COA5: variants seen among roughly 807,000 people sequenced by gnomAD.
COA5 encodes the protein cytochrome c oxidase assembly factor 5, also known as protein C2orf64.
A neutral mutation model predicts 11.8 loss-of-function variants in COA5; 11 were observed. That is an observed-to-expected ratio of 0.93 (90% CI 0.59 to 1.54). The LOEUF is 1.54. COA5 is among the 40% of genes most tolerant of loss of function. The pLI is 0.00. For synonymous variants in COA5, 38 were observed against 37.5 expected (o/e 1.01, Z -0.05); for missense variants, 87 against 89.2 (o/e 0.97, Z 0.10).
intron 1 of COA5, among the ~76,000 whole-genome samples, chr2:98,606,151 C>T (rs1210303147): frequency 6.6e-6 from 1 of 152,172 alleles, no homozygotes; most frequent in Non-Finnish European, 1.5e-5. Context: ...ATCAGATTAA[C>T]CTTTTTATTC....
chr2:98,605,602 TCTAA>T lies in COA5; in HGVS notation c.100-1415_100-1412del, dbSNP rs1244382286. Among the ~76,000 whole-genome samples the T allele has an allele frequency of 2.0e-5, 3 of 152,214 alleles. No homozygotes were observed. In the East Asian group the frequency reaches 5.8e-4, roughly 29 times the overall value. On this transcript the variant is annotated intron_variant, in intron 1 of 2. Transcript: ENST00000328709. ...CTGTAACATGCACTTGAATCTATAT[TCTAA>T]CTAATACACTCCCAAGCTTTTTTGC... is the stretch of plus-strand genomic sequence containing the variant.
At chr2:98,606,031 CTAG>C (rs1273586887) in intron 1 of COA5, among the ~76,000 whole-genome samples, 1 of 152,168 alleles carries the variant, frequency 6.6e-6, no homozygotes, top group Non-Finnish European at 1.5e-5. Context: ...AAAGCAGCAC[CTAG>C]AACTAAATAC....
intron 2 of COA5, among the ~76,000 whole-genome samples, chr2:98,603,582 AG>A (rs1700672826): frequency 6.6e-6 from 1 of 152,226 alleles, no homozygotes. Context: ...CTCCAAGAAA[AG>A]GGTCTCAGTT....
In COA5 at chr2:98,599,838, C is replaced by CTT. The variant is rs1230035639; in HGVS notation, c.*912_*913dup. 2.0e-5 allele frequency: 3 copies of CTT among 152,338 alleles called. No homozygotes were observed. The East Asian group carries it at 5.8e-4, about 29-fold the overall frequency. The allele number at this position is 152,338 out of a possible 1,614,324, so 9.4% of individuals were successfully genotyped here. On this transcript the variant is annotated 3_prime_UTR_variant, in exon 3 of 3. Coordinates refer to ENST00000328709, the MANE Select transcript of COA5 (RefSeq NM_001008215.3). ...TTTCCACTTGCTCTAAACCCCTTTC[C>CTT]TTTTGGGATTCAGCCCACTACTCAT...
intron 2 of COA5, among the ~76,000 whole-genome samples, chr2:98,601,393 C>G (rs1280213764): frequency 6.6e-6 from 1 of 152,148 alleles, no homozygotes; most frequent in Non-Finnish European, 1.5e-5. Context: ...GGTTAATATT[C>G]AAATATATTT....
rs1010470133 is a variant in COA5 at position 98,604,208 on chromosome 2, A to C, written c.100-17T>G. 1 of 1,556,230 alleles carries C rather than the reference A, an allele frequency of 6.4e-7. No individual in the cohort carries two copies. The highest frequency in any genetic ancestry group is 1.4e-5 in the African/African-American group (1 of 73,764). On this transcript the variant is annotated splice_polypyrimidine_tract_variant and intron_variant, in intron 1 of 2. Coordinates refer to ENST00000328709, the MANE Select transcript of COA5 (RefSeq NM_001008215.3). ...TTTTCCTTCCTATGACAGACACATA[A>C]AACAATATAAACACCTTGGAAATTT...
chr2:98,601,150 C>T (rs549705081), intron 2 of COA5, among the ~76,000 whole-genome samples: 75 of 152,002 alleles, frequency 4.9e-4, no homozygotes, highest in African/African-American at 1.6e-3. Flanking sequence ...GAGGCTGAGG[C>T]GGGAGAATTG....
chr2:98,601,916 C>A (rs962448955), intron 2 of COA5, among the ~76,000 whole-genome samples: 3 of 152,170 alleles, frequency 2.0e-5, no homozygotes, highest in African/African-American at 7.2e-5. Flanking sequence ...TCCCCTGCCC[C>A]CTTCCCCGTC....
At chr2:98,607,179 A>G (rs1559145586) in intron 1 of COA5, among the ~76,000 whole-genome samples, 1 of 152,178 alleles carries the variant, frequency 6.6e-6, no homozygotes, top group Non-Finnish European at 1.5e-5. Flanking sequence ...CCAAGCTTAC[A>G]TGGGTAGTGA....
In COA5 at chr2:98,608,453, A is replaced by T. The variant is rs750006786; in HGVS notation, c.-48T>A. ...GGACGCGACTTTCTCCCACCGCAAC[A>T]CTTGCAACCGGGTCGGGAGCGAGCG... On this transcript the variant is annotated 5_prime_UTR_variant, in exon 1 of 3. Coordinates refer to ENST00000328709, the MANE Select transcript of COA5 (RefSeq NM_001008215.3). The T allele has an allele frequency of 2.1e-6, 3 of 1,406,480 alleles. No homozygotes were observed. The South Asian group carries it at 3.6e-5, about 17-fold the overall frequency. 87.1% of individuals were successfully genotyped at this position (1,406,480 alleles called of 1,614,324 possible).
Position 98,604,156 on chromosome 2 carries a change from T to C in COA5, c.135A>G (p.Gly45=), listed in dbSNP as rs1700680595. The C allele has an allele frequency of 6.2e-7, 1 of 1,613,838 alleles. No homozygotes were observed. The highest frequency in any genetic ancestry group is 2.2e-5 in the East Asian group (1 of 44,862). ...ATGCGTACTTCAAAGAGTTGCAGTA[T>C]CCTTCCTTCAAACACTGCCGAGGTG... ...GKSPRQCLKE[G]YCNSLKYAFF... The change falls in exon 2 of 3, where the codon GGA becomes GGG. Residue 45 remains glycine (G), a synonymous_variant. Transcript: ENST00000328709.
At chr2:98,608,234 C>T (rs1700738979) in intron 1 of COA5, 73 bp downstream of exon 1, 36 of 1,184,910 alleles carry the variant, frequency 3.0e-5, no homozygotes, top group South Asian at 1.9e-4. Flanking sequence ...CCGCGGGCGA[C>T]CCGCTGCCCT....
intron 1 of COA5, 32 bp from the exon 2 acceptor site, chr2:98,604,223 C>T (rs1466763855): frequency 1.3e-6 from 2 of 1,516,056 alleles, no homozygotes; most frequent in Non-Finnish European, 9.2e-7. Flanking sequence ...ATATAAACAC[C>T]TTGGAAATTT....
At chr2:98,603,323 A>T (rs1439065961) in intron 2 of COA5, among the ~76,000 whole-genome samples, 1 of 152,104 alleles carries the variant, frequency 6.6e-6, no homozygotes, top group Non-Finnish European at 1.5e-5. Flanking sequence ...TACTAAAAAA[A>T]TACAAAAATT....
rs1404847787 is a variant in COA5 at position 98,599,408 on chromosome 2, T to G, written c.*1344A>C. 1 of 152,212 alleles carries G rather than the reference T, an allele frequency of 6.6e-6. No homozygotes were observed. The highest frequency in any genetic ancestry group is 1.5e-5 in the Non-Finnish European group (1 of 68,042). The allele number at this position is 152,212 out of a possible 1,614,324, so 9.4% of individuals were successfully genotyped here. Reference sequence around the variant, plus strand: ...ATGACAGGGCTTTATAATATACATTTTAGAGTTGTTTACTTTTATTAATAA... The same window carrying G: ...ATGACAGGGCTTTATAATATACATTGTAGAGTTGTTTACTTTTATTAATAA... On this transcript the variant is annotated 3_prime_UTR_variant, in exon 3 of 3. Coordinates refer to ENST00000328709, the MANE Select transcript of COA5 (RefSeq NM_001008215.3).
At position 98,604,141 on chromosome 2, in the gene COA5, CAA is replaced by C. The variant is rs751207842; in HGVS notation, c.148_149del (p.Leu50GlufsTer6). ...TTTTACACTCAAAAAATGCGTACTTCAAAGAGTTGCAGTATCCTTCCTTCAAA... is the reference window on the plus strand; with the variant it reads ...TTTTACACTCAAAAAATGCGTACTTCAGAGTTGCAGTATCCTTCCTTCAAA... ...QCLKEGYCNS[L>X]KYAFFECKRS... On this transcript the variant is annotated frameshift_variant, in exon 2 of 3. Transcript: ENST00000328709. LOFTEE classifies it high-confidence loss of function. 1 of 1,613,954 alleles carries C rather than the reference CAA, an allele frequency of 6.2e-7. No individual in the cohort carries two copies. The highest frequency in any genetic ancestry group is 1.1e-5 in the South Asian group (1 of 91,082).
chr2:98,600,865 G>GGGT, intron 2 of COA5, 72 bp from the exon 3 acceptor site: 11 of 956,558 alleles, frequency 1.1e-5, no homozygotes, highest in Non-Finnish European at 1.7e-5. Context: ...CTTTGGTAAG[G>GGGT]GTATCACCGC....
At position 98,599,988 on chromosome 2, in the gene COA5, G is replaced by A. The variant is rs1700618611; in HGVS notation, c.*764C>T. The A allele has an allele frequency of 6.6e-6, 1 of 152,374 alleles. No individual in the cohort carries two copies. Among genetic ancestry groups the A allele is most frequent in the African/African-American group, 2.4e-5 (1 of 41,472 alleles). 9.4% of individuals were successfully genotyped at this position (152,374 alleles called of 1,614,324 possible). A position where few individuals can be genotyped will look rare whatever the true frequency, so the allele number is the denominator to read the frequency against. On this transcript the variant is annotated 3_prime_UTR_variant, in exon 3 of 3. Coordinates refer to ENST00000328709, the MANE Select transcript of COA5 (RefSeq NM_001008215.3). ...CCAATGCAAGGGCAGGTGATCCTGG[G>A]AAGACCAGAGTCCTTTTATAGATTT... is the stretch of plus-strand genomic sequence containing the variant.
chr2:98,604,254 T>G, intron 1 of COA5, 63 bp from the exon 2 acceptor site: 1 of 1,228,478 alleles, frequency 8.1e-7, no homozygotes, highest in Non-Finnish European at 1.2e-6. Context: ...TACAAAATAA[T>G]TGTCCTTCTG....
Sources: gnomAD v4.1 joint callset for allele counts (sites outside exome capture counted in the v4.1 genomes callset) on GRCh38, gnomAD v4.1.1 for gene constraint, MANE v1.5 for transcripts, NCBI Gene and HGNC (gene_info 2026-07-23, HGNC 2026-07-21) for gene names.